Variants in FAT4 observed in about 807,000 individuals in gnomAD.
FAT4 encodes the protein protocadherin Fat 4.
FAT4 carries 84 observed loss-of-function variants against 303.9 expected under a neutral mutation model. The ratio of observed to expected loss-of-function variants is 0.28; its 90% CI spans 0.23 to 0.33. FAT4 has a LOEUF of 0.33. Among genes scored for constraint, FAT4 ranks in the 10% least tolerant of loss-of-function variants. FAT4 has a pLI of 1.00. For synonymous variants in FAT4, 2,307 were observed against 2,298.8 expected (o/e 1.00, Z -0.10); for missense variants, 6,005 against 6,146.8 (o/e 0.98, Z 0.77).
intron 9 of FAT4, among the ~76,000 whole-genome samples, chr4:125,448,147 T>C (rs888544701): frequency 1.3e-5 from 2 of 152,136 alleles, no homozygotes; most frequent in Non-Finnish European, 2.9e-5. Flanking sequence ...ATTTTTCTCC[T>C]AGAAACTATG....
At chr4:125,459,814 A>C (rs527909026) in intron 10 of FAT4, among the ~76,000 whole-genome samples, 1 of 152,232 alleles carries the variant, frequency 6.6e-6, no homozygotes, top group South Asian at 2.1e-4. Context: ...ACATCAGATT[A>C]TTGTACCAAG....
intron 11 of FAT4, among the ~76,000 whole-genome samples, chr4:125,464,218 G>T (rs1457828318): frequency 1.3e-5 from 2 of 151,970 alleles, no homozygotes; most frequent in African/African-American, 4.8e-5. Context: ...TAAAATTTCA[G>T]ACTAATCTGT....
Position 125,479,860 on chromosome 4 carries a change from A to G in FAT4, c.12599A>G (p.Glu4200Gly), listed in dbSNP as rs764654795. ...CKEGLTGKYCEKSVTPDTALS... is the reference protein window; with the variant it reads ...CKEGLTGKYCGKSVTPDTALS... ...GAGGGACTCACTGGGAAATACTGTG[A>G]AAAATGTATGTAAGGTCTTCCGTCT... The change falls in exon 15 of 18, where the codon GAA becomes GGA. Residue 4200 changes from glutamate (E) to glycine (G), a missense_variant. Coordinates refer to ENST00000394329, the MANE Select transcript of FAT4 (RefSeq NM_001291303.3). 2 of 1,584,238 alleles carry G rather than the reference A, an allele frequency of 1.3e-6. No homozygotes were observed. The highest frequency in any genetic ancestry group is 1.3e-5 in the African/African-American group (1 of 74,658).
At position 125,356,011 on chromosome 4, in the gene FAT4, C is replaced by T. The variant is rs1732410130; in HGVS notation, c.5175+34425C>T. ...TTTTTTTTCTGTCGGCAGTGTATCA[C>T]AAGTATTTTCCTCAGTGGCCTAAAC... On this transcript the variant is annotated intron_variant, in intron 2 of 17. Transcript: ENST00000394329. Among the ~76,000 whole-genome samples the T allele has an allele frequency of 2.6e-5, 4 of 151,920 alleles. 1 individual carries two copies. The South Asian group carries it at 8.3e-4, about 31-fold the overall frequency.
At position 125,320,219 on chromosome 4, in the gene FAT4, A is replaced by C. The variant is rs921673665; in HGVS notation, c.3808A>C (p.Ile1270Leu). The change falls in exon 2 of 18, where the codon ATT becomes CTT. Residue 1270 changes from isoleucine to leucine, a missense_variant. Ile to Leu is a conservative substitution (Grantham distance 5). Transcript: ENST00000394329. ...CAGTACCTCTGGTCAGGTAACACTA[A>C]TTGGCAAATTAGACTATGAAGCAAC... ...IDSTSGQVTLIGKLDYEATPA... is the reference protein window; with the variant it reads ...IDSTSGQVTLLGKLDYEATPA... The C allele has an allele frequency of 2.5e-6, 4 of 1,614,124 alleles. No individual in the cohort carries two copies. Among genetic ancestry groups the C allele is most frequent in the Non-Finnish European group, 2.5e-6 (3 of 1,179,956 alleles).
rs1020085242 is a variant in FAT4, at chr4:125,491,569, C to T, written c.14753C>T (p.Thr4918Ile). The change falls in exon 18 of 18, where the codon ACA becomes ATA. Residue 4918 changes from threonine (T) to isoleucine (I), a missense_variant. Thr to Ile is a moderately conservative substitution (Grantham distance 89). Transcript: ENST00000394329. ...GCAGCACCAGGCACTGCTGACAACA[C>T]ACTGCCCATGAAGCTAGGGCAGCAA... is the stretch of plus-strand genomic sequence containing the variant. ...QAAAPGTADN[T>I]LPMKLGQQAG... is the part of the protein sequence containing the mutation. 9 of 1,614,180 alleles carry T rather than the reference C, an allele frequency of 5.6e-6. No homozygotes were observed. Among genetic ancestry groups the T allele is most frequent in the Non-Finnish European group, 7.6e-6 (9 of 1,180,038 alleles).
At chr4:125,322,260 T>A (rs140363511) in intron 2 of FAT4, among the ~76,000 whole-genome samples, 22 of 152,270 alleles carry the variant, frequency 1.4e-4, no homozygotes, top group East Asian at 9.7e-4. Flanking sequence ...AATCAGAGAC[T>A]AGGGATTGTT....
intron 2 of FAT4, among the ~76,000 whole-genome samples, chr4:125,339,496 T>A (rs78253624): frequency 0.17 from 25,435 of 152,074 alleles, 2,471 homozygotes; most frequent in Non-Finnish European, 0.22. Flanking sequence ...GCACCCAGCC[T>A]CCAACATTAT....
intron 7 of FAT4, among the ~76,000 whole-genome samples, chr4:125,428,005 TTTTAAG>T (rs1260217754): frequency 7.2e-5 from 11 of 152,132 alleles, no homozygotes; most frequent in Non-Finnish European, 1.3e-4. Flanking sequence ...TCAAATCTTA[TTTTAAG>T]TTTTAGGCCA....
At position 125,406,942 on chromosome 4, in the gene FAT4, C is replaced by T; in HGVS notation, c.5370C>T (p.Asp1790=). ...GAGCTGATGATAGTTTTCGCATCGA[C>T]CCAGAATCCGGAGATCTGATAGCAA... is the stretch of plus-strand genomic sequence containing the variant. ...ISGADDSFRI[D]PESGDLIATR... The change falls in exon 4 of 18, where the codon GAC becomes GAT. Residue 1790 remains aspartate, a synonymous_variant. Transcript: ENST00000394329. 1.2e-6 allele frequency: 2 copies of T among 1,613,832 alleles called. No individual in the cohort carries two copies. The highest frequency in any genetic ancestry group is 2.2e-5 in the East Asian group (1 of 44,854).
At chr4:125,420,383 T>C (rs906477308) in intron 7 of FAT4, among the ~76,000 whole-genome samples, 9 of 152,228 alleles carry the variant, frequency 5.9e-5, no homozygotes, top group East Asian at 1.9e-4. Flanking sequence ...GAGTAAGTTA[T>C]ATATGTTGAA....
intron 2 of FAT4, among the ~76,000 whole-genome samples, chr4:125,334,344 C>A (rs906576026): frequency 6.6e-6 from 1 of 152,090 alleles, no homozygotes; most frequent in South Asian, 2.1e-4. Flanking sequence ...TCTTCCCATG[C>A]ACCTGTCCCC....
intron 2 of FAT4, among the ~76,000 whole-genome samples, chr4:125,379,430 T>A (rs1308866080): frequency 1.3e-5 from 2 of 152,070 alleles, no homozygotes; most frequent in Non-Finnish European, 2.9e-5. Context: ...ATTTATTAAG[T>A]TAGAACTTTA....
At chr4:125,446,163 T>C (rs1358874407) in intron 8 of FAT4, 130 bp from the exon 9 acceptor site, 1 of 756,692 alleles carries the variant, frequency 1.3e-6, no homozygotes, top group East Asian at 2.7e-5. Flanking sequence ...GTTGTATTCT[T>C]TCCAACATTG....
At chr4:125,489,351 G>A (rs527703860) in intron 17 of FAT4, among the ~76,000 whole-genome samples, 2 of 152,198 alleles carry the variant, frequency 1.3e-5, no homozygotes, top group South Asian at 4.1e-4. Context: ...AACACCAGAG[G>A]TATGTTTTTA....
chr4:125,362,792 T>C (rs1363446682), intron 2 of FAT4: 1 of 152,126 alleles, frequency 6.6e-6, no homozygotes, highest in African/African-American at 2.4e-5. Flanking sequence ...GGAATCCAGC[T>C]AGTGTGATTA....
chr4:125,359,493 G>T (rs763366303), intron 2 of FAT4, among the ~76,000 whole-genome samples: 2 of 152,062 alleles, frequency 1.3e-5, no homozygotes, highest in Non-Finnish European at 2.9e-5. Flanking sequence ...AATTTAATTC[G>T]CTGTGATTTA....
intron 2 of FAT4, among the ~76,000 whole-genome samples, chr4:125,355,413 G>C (rs2710565): frequency 6.6e-6 from 1 of 151,938 alleles, no homozygotes; most frequent in Non-Finnish European, 1.5e-5. Context: ...CCAAATGCAT[G>C]TAGGTAAATG....
intron 8 of FAT4, among the ~76,000 whole-genome samples, chr4:125,442,131 C>G (rs947674745): frequency 7.2e-5 from 11 of 152,116 alleles, no homozygotes; most frequent in African/African-American, 2.7e-4. Flanking sequence ...CTAGCCTAGA[C>G]CTTCTTTTGT....
Sources: gnomAD v4.1 joint callset for allele counts (sites outside exome capture counted in the v4.1 genomes callset) on GRCh38, gnomAD v4.1.1 for gene constraint, MANE v1.5 for transcripts, NCBI Gene and HGNC (gene_info 2026-07-23, HGNC 2026-07-21) for gene names.